TRABD2B: variants seen among roughly 807,000 people sequenced by gnomAD.
TRABD2B encodes the protein metalloprotease TIKI2.
In TRABD2B, 14 loss-of-function variants were observed where a neutral mutation model predicts 40.1. The ratio of observed to expected loss-of-function variants is 0.35; its 90% CI spans 0.23 to 0.55. TRABD2B has a LOEUF of 0.55. TRABD2B is among the 20% of genes least tolerant of loss of function. The pLI, the probability that TRABD2B is intolerant of heterozygous loss-of-function variation, is 0.90. For synonymous variants in TRABD2B, 263 were observed against 277.0 expected (o/e 0.95, Z 0.50); for missense variants, 541 against 648.6 (o/e 0.83, Z 1.80).
At chr1:47,883,465 T>C (rs1644331967) in intron 2 of TRABD2B, among the ~76,000 whole-genome samples, 1 of 151,526 alleles carries the variant, frequency 6.6e-6, no homozygotes, top group African/African-American at 2.4e-5. Flanking sequence ...GGGTAGGGAG[T>C]AGAAAAAGAA....
intron 2 of TRABD2B, among the ~76,000 whole-genome samples, chr1:47,955,242 A>G (rs1487183937): frequency 6.6e-6 from 1 of 152,076 alleles, no homozygotes; most frequent in African/African-American, 2.4e-5. Context: ...TCCAGACTAT[A>G]GTTACAACTA....
intron 2 of TRABD2B, among the ~76,000 whole-genome samples, chr1:47,855,185 G>A (rs1643879067): frequency 6.6e-6 from 1 of 152,150 alleles, no homozygotes. Flanking sequence ...AAATATCTAT[G>A]TATTTGCTAC....
chr1:47,800,594 C>CTTGATAAA (rs1644809337), intron 3 of TRABD2B, among the ~76,000 whole-genome samples: 1 of 152,212 alleles, frequency 6.6e-6, no homozygotes, highest in Non-Finnish European at 1.5e-5. Flanking sequence ...GAAGTCCACG[C>CTTGATAAA]AATGTCCTGA....
At chr1:47,858,205 T>TTTATC (rs1194309268) in intron 2 of TRABD2B, among the ~76,000 whole-genome samples, 3 of 414 alleles carry the variant, frequency 7.2e-3, no homozygotes, top group African/African-American at 0.024. Context: ...TTTATTTTAC[T>TTTATC]TTATTTTATT....
chr1:47,910,513 T>A (rs577142935), intron 2 of TRABD2B, among the ~76,000 whole-genome samples: 41 of 152,302 alleles, frequency 2.7e-4, no homozygotes, highest in African/African-American at 8.7e-4. Context: ...GAGTACCTTG[T>A]CACTCAGAGA....
chr1:47,928,862 A>T (rs1645003623), intron 2 of TRABD2B, among the ~76,000 whole-genome samples: 1 of 152,218 alleles, frequency 6.6e-6, no homozygotes, highest in African/African-American at 2.4e-5. Context: ...CCCAGCCTAA[A>T]CATCATGTCC....
intron 2 of TRABD2B, among the ~76,000 whole-genome samples, chr1:47,858,577 C>G (rs910525062): frequency 6.6e-6 from 1 of 152,198 alleles, no homozygotes; most frequent in Non-Finnish European, 1.5e-5. Flanking sequence ...TTCTTAATAG[C>G]CTTACAAAGT....
chr1:47,911,757 G>A (rs1186325017), intron 2 of TRABD2B, among the ~76,000 whole-genome samples: 1 of 152,236 alleles, frequency 6.6e-6, no homozygotes, highest in African/African-American at 2.4e-5. Context: ...ACCAGGACGG[G>A]CTACATAATT....
chr1:47,817,081 G>T (rs1274764833), intron 2 of TRABD2B, among the ~76,000 whole-genome samples: 2 of 152,116 alleles, frequency 1.3e-5, no homozygotes, highest in African/African-American at 4.8e-5. Context: ...AAGGGAAAAA[G>T]GGAATGGAGG....
intron 2 of TRABD2B, among the ~76,000 whole-genome samples, chr1:47,855,990 C>A (rs931758968): frequency 6.6e-6 from 1 of 152,214 alleles, no homozygotes; most frequent in Admixed American, 6.5e-5. Flanking sequence ...ATGAAAAATG[C>A]CCCAGACCCT....
chr1:47,772,413 A>G (rs990918574), intron 6 of TRABD2B, among the ~76,000 whole-genome samples: 2 of 151,848 alleles, frequency 1.3e-5, no homozygotes, highest in Admixed American at 1.3e-4. Flanking sequence ...GCAGACCTCG[A>G]GGAAGCAGTG....
intron 2 of TRABD2B, among the ~76,000 whole-genome samples, chr1:47,826,596 C>T (rs1026383518): frequency 2.0e-5 from 3 of 151,938 alleles, no homozygotes; most frequent in African/African-American, 7.3e-5. Flanking sequence ...TTTTTTGAGA[C>T]AGGATTTCAC....
chr1:47,928,284 A>T (rs539341197), intron 2 of TRABD2B, among the ~76,000 whole-genome samples: 1 of 152,262 alleles, frequency 6.6e-6, no homozygotes, highest in East Asian at 1.9e-4. Context: ...TGCCTCTGCC[A>T]TAACATACCC....
intron 2 of TRABD2B, among the ~76,000 whole-genome samples, chr1:47,885,678 CGGGACACTTG>C (rs1416520421): frequency 6.6e-5 from 10 of 152,034 alleles, no homozygotes; most frequent in Non-Finnish European, 2.9e-5. Context: ...GCTCGGTGGC[CGGGACACTTG>C]GAGGGCAGCA....
rs1644238853 is a variant in TRABD2B, at chr1:47,761,062, A to G, written c.*4840T>C. On this transcript the variant is annotated 3_prime_UTR_variant, in exon 7 of 7. Coordinates refer to ENST00000606738, the MANE Select transcript of TRABD2B (RefSeq NM_001194986.2). Reference sequence around the variant, plus strand: ...GAAGAAAGCCAAGCACCTCATCTCCATGGAGGCCCAAGATTGTCCATGTCA... The same window carrying G: ...GAAGAAAGCCAAGCACCTCATCTCCGTGGAGGCCCAAGATTGTCCATGTCA... 6.6e-6 allele frequency: 1 copy of G among 152,242 alleles called. No homozygotes were observed. Among genetic ancestry groups the G allele is most frequent in the Non-Finnish European group, 1.5e-5 (1 of 68,106 alleles). The allele number at this position is 152,242 out of a possible 1,614,324, so 9.4% of individuals were successfully genotyped here.
chr1:47,872,278 G>C (rs539444479), intron 2 of TRABD2B, among the ~76,000 whole-genome samples: 17 of 152,306 alleles, frequency 1.1e-4, no homozygotes, highest in African/African-American at 3.8e-4. Context: ...TCTGGGTCAT[G>C]GCTCAGGCTT....
chr1:47,826,794 A>G (rs2124432131), intron 2 of TRABD2B, among the ~76,000 whole-genome samples: 1 of 152,260 alleles, frequency 6.6e-6, no homozygotes, highest in South Asian at 2.1e-4. Flanking sequence ...GCTGGTCTCA[A>G]ACTCCTAGCC....
At chr1:47,817,045 G>A (rs1366638419) in intron 2 of TRABD2B, among the ~76,000 whole-genome samples, 2 of 152,128 alleles carry the variant, frequency 1.3e-5, no homozygotes, top group Non-Finnish European at 2.9e-5. Flanking sequence ...CCTAGTCCAG[G>A]ACCTGCCATT....
At chr1:47,940,000 G>T (rs754831176) in intron 2 of TRABD2B, among the ~76,000 whole-genome samples, 12 of 152,118 alleles carry the variant, frequency 7.9e-5, no homozygotes. Context: ...ATCATGGAAG[G>T]CCCTTCACGA....
Sources: gnomAD v4.1 joint callset for allele counts (sites outside exome capture counted in the v4.1 genomes callset) on GRCh38, gnomAD v4.1.1 for gene constraint, MANE v1.5 for transcripts, NCBI Gene and HGNC (gene_info 2026-07-23, HGNC 2026-07-21) for gene names.